The following RYR2 variants were observed in gnomAD, a reference collection of about 807,000 sequenced individuals.
RYR2 encodes ryanodine receptor 2, also known as cardiac muscle ryanodine receptor-calcium release channel.
A neutral mutation model predicts 601.1 loss-of-function variants in RYR2; 227 were observed. The observed-to-expected ratio is 0.38, with a 90% CI of 0.34 to 0.42. The LOEUF (loss-of-function observed/expected upper bound fraction) is 0.42. RYR2 is among the 10% of genes least tolerant of loss of function. RYR2 has a pLI of 1.00. For synonymous variants in RYR2, 2,223 were observed against 2,175.1 expected (o/e 1.02, Z -0.61); for missense variants, 4,646 against 6,156.5 (o/e 0.75, Z 8.21).
intron 1 of RYR2, among the ~76,000 whole-genome samples, chr1:237,068,050 T>G (rs1305608107): frequency 6.8e-6 from 1 of 147,886 alleles, no homozygotes; most frequent in East Asian, 1.9e-4. Context: ...TTTTTTTTTT[T>G]GCTAAGAACT....
intron 1 of RYR2, among the ~76,000 whole-genome samples, chr1:237,264,657 C>A (rs1480247095): frequency 6.6e-6 from 1 of 151,710 alleles, no homozygotes; most frequent in Non-Finnish European, 1.5e-5. Flanking sequence ...GGCTATAATT[C>A]TAGGTAAAAA....
intron 17 of RYR2, among the ~76,000 whole-genome samples, chr1:237,477,174 C>A (rs112110357): frequency 6.6e-6 from 1 of 152,142 alleles, no homozygotes; most frequent in African/African-American, 2.4e-5. Flanking sequence ...AGGCGGATCA[C>A]GAGGTCAAGA....
intron 1 of RYR2, among the ~76,000 whole-genome samples, chr1:237,087,187 G>C (rs10925309): frequency 0.025 from 3,814 of 152,210 alleles, 99 homozygotes; most frequent in African/African-American, 0.066. Context: ...TTAGTTGCTG[G>C]TGCTTCCAGA....
intron 79 of RYR2, among the ~76,000 whole-genome samples, chr1:237,736,382 A>G (rs770657347): frequency 5.9e-5 from 9 of 151,266 alleles, no homozygotes; most frequent in Non-Finnish European, 1.2e-4. Flanking sequence ...AATTGCTTGA[A>G]TCTGGGAGGC....
At chr1:237,322,178 C>T (rs916725019) in intron 2 of RYR2, among the ~76,000 whole-genome samples, 1 of 152,092 alleles carries the variant, frequency 6.6e-6, no homozygotes, top group Admixed American at 6.6e-5. Context: ...GAGAATGAGA[C>T]ACCTGCAAAC....
At chr1:237,348,921 A>G (rs1039518346) in intron 3 of RYR2, among the ~76,000 whole-genome samples, 1 of 152,244 alleles carries the variant, frequency 6.6e-6, no homozygotes, top group African/African-American at 2.4e-5. Flanking sequence ...AGTTGAAGAA[A>G]GGATTCATGA....
intron 17 of RYR2, among the ~76,000 whole-genome samples, chr1:237,471,867 G>C (rs563829248): frequency 1.3e-4 from 20 of 152,186 alleles, no homozygotes; most frequent in African/African-American, 4.8e-4. Flanking sequence ...AGGACCCTTA[G>C]AGTATATTTA....
intron 1 of RYR2, among the ~76,000 whole-genome samples, chr1:237,210,525 A>C (rs192830355): frequency 6.6e-6 from 1 of 152,262 alleles, no homozygotes; most frequent in East Asian, 1.9e-4. Flanking sequence ...GGACTGAGTC[A>C]GGGTTTTCTC....
intron 2 of RYR2, among the ~76,000 whole-genome samples, chr1:237,330,674 C>A (rs1379361603): frequency 6.6e-6 from 1 of 152,226 alleles, no homozygotes; most frequent in Non-Finnish European, 1.5e-5. Context: ...AGGCGTGAGC[C>A]ACCGCACCCG....
intron 14 of RYR2, among the ~76,000 whole-genome samples, chr1:237,451,596 A>AAG (rs1333132411): frequency 2.0e-5 from 3 of 151,552 alleles, no homozygotes; most frequent in African/African-American, 7.3e-5. Flanking sequence ...AAAAAAAAAA[A>AAG]AATTGAAGTC....
At chr1:237,101,220 C>T (rs1250368122) in intron 1 of RYR2, among the ~76,000 whole-genome samples, 1 of 148,952 alleles carries the variant, frequency 6.7e-6, no homozygotes, top group East Asian at 2.0e-4. Flanking sequence ...TGGCTTTGGC[C>T]ATTTTGTTCT....
In RYR2 at chr1:237,617,371, C is replaced by T. The variant is rs368009389; in HGVS notation, c.5801C>T (p.Ala1934Val). The T allele has an allele frequency of 6.8e-6, 11 of 1,613,832 alleles. No individual in the cohort carries two copies. The highest frequency in any genetic ancestry group is 5.0e-5 in the Admixed American group (3 of 59,992). Residue 1934 changes from alanine (A) to valine (V), a missense_variant, in exon 38 of 105, where the codon GCT becomes GTT. This residue lies in a region of RYR2 where 1,807 missense variants were observed against 2,088.1 expected (regional missense o/e 0.87). Coordinates refer to ENST00000366574, the MANE Select transcript of RYR2 (RefSeq NM_001035.3). Reference sequence around the variant, plus strand: ...GTAGCCTTTTCAGATGATTTTGTGGCTAAGCTCCAAGACAATCAACGTTTC... The same window carrying T: ...GTAGCCTTTTCAGATGATTTTGTGGTTAAGCTCCAAGACAATCAACGTTTC... ...AIVAFSDDFVAKLQDNQRFRY... is the reference protein window; with the variant it reads ...AIVAFSDDFVVKLQDNQRFRY...
At chr1:237,112,582 A>AAG (rs971073655) in intron 1 of RYR2, among the ~76,000 whole-genome samples, 1 of 150,288 alleles carries the variant, frequency 6.7e-6, no homozygotes, top group African/African-American at 2.4e-5. Flanking sequence ...AAAAAAAAAA[A>AAG]AAAAAAAATT....
At chr1:237,532,870 CT>C (rs1668270158) in intron 25 of RYR2, among the ~76,000 whole-genome samples, 1 of 152,128 alleles carries the variant, frequency 6.6e-6, no homozygotes, top group African/African-American at 2.4e-5. Context: ...ACAGAATTAT[CT>C]TTTGTCAAAA....
At chr1:237,711,320 T>A (rs1295230240) in intron 70 of RYR2, among the ~76,000 whole-genome samples, 2 of 152,178 alleles carry the variant, frequency 1.3e-5, no homozygotes, top group African/African-American at 4.8e-5. Context: ...TAAAAGGGAA[T>A]AAATAATGAT....
At chr1:237,472,608 A>G (rs1361569819) in intron 17 of RYR2, among the ~76,000 whole-genome samples, 1 of 152,186 alleles carries the variant, frequency 6.6e-6, no homozygotes, top group Non-Finnish European at 1.5e-5. Context: ...GTTTAGATGT[A>G]TATCCTGAAA....
chr1:237,530,192 T>A (rs1409121529), intron 24 of RYR2, among the ~76,000 whole-genome samples: 2 of 151,932 alleles, frequency 1.3e-5, no homozygotes, highest in Non-Finnish European at 2.9e-5. Flanking sequence ...GCACCTGTAG[T>A]CCTGGCTACT....
At chr1:237,384,057 C>G (rs561782336) in intron 8 of RYR2, among the ~76,000 whole-genome samples, 1 of 152,248 alleles carries the variant, frequency 6.6e-6, no homozygotes, top group South Asian at 2.1e-4. Context: ...GTAGTTTTTA[C>G]CCAGACTTCC....
chr1:237,238,608 T>G (rs1685834783), intron 1 of RYR2, among the ~76,000 whole-genome samples: 1 of 152,208 alleles, frequency 6.6e-6, no homozygotes, highest in African/African-American at 2.4e-5. Flanking sequence ...CTTTGTCCTC[T>G]GGTCTTGGCC....
Sources: gnomAD v4.1 joint callset for allele counts (sites outside exome capture counted in the v4.1 genomes callset) on GRCh38, gnomAD v4.1.1 for gene constraint, gnomAD v4.1.1 regional missense constraint, MANE v1.5 for transcripts, NCBI Gene and HGNC (gene_info 2026-07-23, HGNC 2026-07-21) for gene names.